Variants in ALPK1 observed in about 807,000 individuals in gnomAD.
The protein encoded by ALPK1 is alpha-protein kinase 1.
A neutral mutation model predicts 120.6 loss-of-function variants in ALPK1; 110 were observed. That is an observed-to-expected ratio of 0.91 (90% CI 0.78 to 1.07). The LOEUF is 1.07. Ranked by LOEUF, ALPK1 falls within the 50% of genes least tolerant of loss-of-function variation. The pLI, the probability that ALPK1 is intolerant of heterozygous loss-of-function variation, is 0.00. For missense variants in ALPK1, 1,498 were observed against 1,483.9 expected (o/e 1.01, Z -0.16); for synonymous variants, 582 against 560.3 (o/e 1.04, Z -0.55).
rs77479920 is a variant in ALPK1, at chr4:112,356,669, A to G, written c.-100-21009A>G. ...TCATTTCTACAACAATGTAGAAGAG[A>G]AAAGCCTGGAGCAGGAGCTGGCCAG... On this transcript the variant is annotated intron_variant, in intron 2 of 15. Transcript: ENST00000650871. 3,695 of 931,252 alleles carry G rather than the reference A, an allele frequency of 4.0e-3. 9 individuals carry two copies. The highest frequency in any genetic ancestry group is 5.2e-3 in the Non-Finnish European group (2,952 of 572,080). The allele number at this position is 931,252 out of a possible 1,614,324, so 57.7% of individuals were successfully genotyped here.
chr4:112,358,150 G>A (rs548625106), intron 2 of ALPK1: 29 of 612,672 alleles, frequency 4.7e-5, no homozygotes, highest in Middle Eastern at 2.8e-4. Flanking sequence ...CTGGGCAGGC[G>A]TCCAGGGCTG....
chr4:112,401,717 T>C (rs1331669366), intron 4 of ALPK1, among the ~76,000 whole-genome samples: 1 of 152,180 alleles, frequency 6.6e-6, no homozygotes, highest in Non-Finnish European at 1.5e-5. Context: ...GGTGAAATGG[T>C]TGCCTATTTT....
intron 4 of ALPK1, among the ~76,000 whole-genome samples, chr4:112,386,361 C>T (rs776607954): frequency 6.6e-5 from 10 of 152,168 alleles, no homozygotes; most frequent in Non-Finnish European, 1.2e-4. Flanking sequence ...ACCTGCAGTA[C>T]GCTCCCCAAG....
chr4:112,300,637 T>G (rs1195082847), intron 1 of ALPK1, among the ~76,000 whole-genome samples: 1 of 151,992 alleles, frequency 6.6e-6, no homozygotes, highest in Non-Finnish European at 1.5e-5. Flanking sequence ...ATTTTTCTTG[T>G]GTTGATTGCT....
intron 4 of ALPK1, among the ~76,000 whole-genome samples, chr4:112,407,105 C>T (rs1733214596): frequency 6.6e-6 from 1 of 152,176 alleles, no homozygotes; most frequent in African/African-American, 2.4e-5. Context: ...AAAGGTGTCA[C>T]ACCTCTTCAC....
At chr4:112,325,590 C>T (rs1729078617) in intron 2 of ALPK1, among the ~76,000 whole-genome samples, 1 of 152,288 alleles carries the variant, frequency 6.6e-6, no homozygotes, top group East Asian at 1.9e-4. Context: ...ACCACTGTGG[C>T]CCTCGTGTCC....
chr4:112,356,264 A>G, intron 2 of ALPK1: 6 of 1,289,248 alleles, frequency 4.7e-6, no homozygotes, highest in Non-Finnish European at 6.8e-6. Flanking sequence ...CCCCGCGGGC[A>G]CAGGCAAGAC....
At chr4:112,434,794 G>T (rs943584804) in intron 11 of ALPK1, among the ~76,000 whole-genome samples, 3 of 152,174 alleles carry the variant, frequency 2.0e-5, no homozygotes, top group African/African-American at 7.2e-5. Context: ...TTGCAAGCAT[G>T]TGTCACTTGT....
chr4:112,389,208 C>T (rs551434205), intron 4 of ALPK1, among the ~76,000 whole-genome samples: 10 of 152,124 alleles, frequency 6.6e-5, no homozygotes, highest in Non-Finnish European at 1.2e-4. Flanking sequence ...CCACTCCCAG[C>T]CAATTTTTGT....
intron 2 of ALPK1, chr4:112,358,210 T>A: frequency 1.7e-6 from 1 of 598,394 alleles, no homozygotes; most frequent in Admixed American, 2.0e-5. Context: ...ACAACAGGGC[T>A]GTCTTCCTCT....
intron 4 of ALPK1, among the ~76,000 whole-genome samples, chr4:112,392,762 C>T (rs1473390761): frequency 6.6e-6 from 1 of 152,034 alleles, no homozygotes; most frequent in African/African-American, 2.4e-5. Context: ...AACTCCTGAG[C>T]TCAAGTGATC....
chr4:112,324,943 A>G (rs573455795), intron 2 of ALPK1, among the ~76,000 whole-genome samples: 110 of 133,462 alleles, frequency 8.2e-4, no homozygotes, highest in Middle Eastern at 3.9e-3. Context: ...AATTAATGAG[A>G]AGAAGGAGAG....
At chr4:112,314,667 A>G (rs1018966070) in intron 1 of ALPK1, among the ~76,000 whole-genome samples, 5 of 152,274 alleles carry the variant, frequency 3.3e-5, no homozygotes, top group East Asian at 1.9e-4. Context: ...GATAGCAACA[A>G]TGAAGGGCAG....
At chr4:112,341,598 C>T (rs1729866024) in intron 2 of ALPK1, among the ~76,000 whole-genome samples, 1 of 152,056 alleles carries the variant, frequency 6.6e-6, no homozygotes, top group Non-Finnish European at 1.5e-5. Context: ...TTGATCTTCT[C>T]CTCAATTATT....
At chr4:112,356,098 T>C in intron 2 of ALPK1, 1 of 1,268,912 alleles carries the variant, frequency 7.9e-7, no homozygotes, top group Non-Finnish European at 1.2e-6. Flanking sequence ...AGCCTGCCCC[T>C]CAGCCACCCT....
chr4:112,297,876 C>T (rs914366315), intron 1 of ALPK1, among the ~76,000 whole-genome samples: 1 of 151,896 alleles, frequency 6.6e-6, no homozygotes, highest in Non-Finnish European at 1.5e-5. Flanking sequence ...TGACTTTTGC[C>T]TGGAATACAT....
chr4:112,420,856 AG>A, intron 5 of ALPK1, among the ~76,000 whole-genome samples: 1 of 152,138 alleles, frequency 6.6e-6, no homozygotes, highest in Non-Finnish European at 1.5e-5. Flanking sequence ...AGAGAGAGAG[AG>A]AGAGAGACTC....
chr4:112,429,229 G>A lies in ALPK1; in HGVS notation c.876G>A (p.Thr292=), dbSNP rs751644245. 8.7e-6 allele frequency: 14 copies of A among 1,612,412 alleles called. No individual in the cohort carries two copies. In the African/African-American group the frequency reaches 9.3e-5, roughly 11 times the overall value. The change falls in exon 10 of 16, where the codon ACG becomes ACA. Residue 292 remains threonine, a synonymous_variant. Transcript: ENST00000650871. ...CKLAAAFSAY[T]PLFVLTAVNI... is the part of the protein sequence containing the mutation. ...TGGCAGCTGCCTTCAGTGCCTATAC[G>A]CCGCTCTTCGTGCTCACAGCTGTGG...
intron 1 of ALPK1, among the ~76,000 whole-genome samples, chr4:112,305,840 A>C (rs1177284504): frequency 6.6e-6 from 1 of 152,046 alleles, no homozygotes; most frequent in Non-Finnish European, 1.5e-5. Context: ...TTTCAAAGGG[A>C]ATGCTTCCAG....
Sources: allele counts gnomAD v4.1 joint callset (sites outside exome capture counted in the v4.1 genomes callset), GRCh38; gene constraint gnomAD v4.1.1; transcripts MANE v1.5; gene names NCBI Gene and HGNC (gene_info 2026-07-23, HGNC 2026-07-21).